CACNA1E: variants seen among roughly 807,000 people sequenced by gnomAD.
CACNA1E encodes the protein voltage-dependent R-type calcium channel subunit alpha-1E.
Under a neutral mutation model 259.2 loss-of-function variants are expected in CACNA1E, and 40 were observed. The ratio of observed to expected loss-of-function variants is 0.15; its 90% CI spans 0.12 to 0.20. CACNA1E has a LOEUF of 0.20. Among genes scored for constraint, CACNA1E ranks in the 10% least tolerant of loss-of-function variants. The pLI, the probability that CACNA1E is intolerant of heterozygous loss-of-function variation, is 1.00. For synonymous variants in CACNA1E, 1,104 were observed against 1,138.5 expected (o/e 0.97, Z 0.61); for missense variants, 1,874 against 3,040.1 (o/e 0.62, Z 9.02).
chr1:181,790,614 A>G, intron 44 of CACNA1E, 58 bp downstream of exon 44: 2 of 1,073,458 alleles, frequency 1.9e-6, no homozygotes, highest in Non-Finnish European at 1.5e-6. Flanking sequence ...GATCCCTCTC[A>G]CTAATTTTAT....
At chr1:181,718,001 G>A (rs1558301730) in intron 11 of CACNA1E, 54 bp from the exon 12 acceptor site, 3 of 840,716 alleles carry the variant, frequency 3.6e-6, no homozygotes, top group Non-Finnish European at 6.0e-6. Context: ...TAGCTGAGAA[G>A]TGCATGAGCC....
At chr1:181,412,787 C>T (rs1418247278) in intron 1 of CACNA1E, among the ~76,000 whole-genome samples, 1 of 152,192 alleles carries the variant, frequency 6.6e-6, no homozygotes, top group East Asian at 1.9e-4. Flanking sequence ...ACCTCTAAAC[C>T]TTACCAACGC....
chr1:181,576,412 C>T (rs565063405), intron 3 of CACNA1E, among the ~76,000 whole-genome samples: 16 of 152,312 alleles, frequency 1.1e-4, no homozygotes, highest in East Asian at 3.9e-4. Context: ...TTACCGCTTG[C>T]GATTCTGTTG....
At chr1:181,717,418 G>A (rs540988425) in intron 11 of CACNA1E, 116 bp downstream of exon 11, 40 of 802,552 alleles carry the variant, frequency 5.0e-5, no homozygotes, top group Non-Finnish European at 7.0e-5. Context: ...ACCTCTTCAC[G>A]CTGTGAGGGA....
intron 3 of CACNA1E, among the ~76,000 whole-genome samples, chr1:181,521,945 G>A (rs958845790): frequency 2.6e-5 from 4 of 152,144 alleles, no homozygotes; most frequent in Admixed American, 6.5e-5. Context: ...AGAGGGGTTG[G>A]AAAGTAGGCA....
intron 7 of CACNA1E, among the ~76,000 whole-genome samples, chr1:181,702,613 T>G (rs1391622873): frequency 6.6e-6 from 1 of 152,186 alleles, no homozygotes; most frequent in Non-Finnish European, 1.5e-5. Context: ...TTCCATGTAT[T>G]CAGTCCACTC....
In CACNA1E at chr1:181,503,859, G is replaced by C. The variant is rs757998810; in HGVS notation, c.267-6618G>C. Among the ~76,000 whole-genome samples, 105 of 152,152 alleles carry C rather than the reference G, an allele frequency of 6.9e-4. 2 individuals are homozygous for C. The highest frequency in any genetic ancestry group is 2.6e-4 in the Admixed American group (4 of 15,284). ...CTTTTGCAGTCGGAGGCCTGGCTCT[G>C]GTTTCCTTTACCAAGCTACATTTTT... On this transcript the variant is annotated intron_variant, in intron 1 of 47. Transcript: ENST00000367573.
At chr1:181,707,647 C>T (rs1011524088) in intron 7 of CACNA1E, among the ~76,000 whole-genome samples, 2 of 152,102 alleles carry the variant, frequency 1.3e-5, no homozygotes, top group African/African-American at 4.8e-5. Context: ...TGAAGAGAAA[C>T]TGGTGGCAGT....
At chr1:181,508,463 C>T (rs1463411889) in intron 1 of CACNA1E, among the ~76,000 whole-genome samples, 2 of 152,226 alleles carry the variant, frequency 1.3e-5, no homozygotes, top group South Asian at 2.1e-4. Flanking sequence ...ACCATTGCTG[C>T]TGGGTTCCCA....
At chr1:181,756,818 T>A in intron 29 of CACNA1E, 107 bp from the exon 30 acceptor site, 1 of 763,026 alleles carries the variant, frequency 1.3e-6, no homozygotes, top group South Asian at 1.7e-5. Flanking sequence ...TAATGGAGGA[T>A]CTGCAAAGTC....
At chr1:181,482,825 C>A (rs996844601), upstream of CACNA1E, among the ~76,000 whole-genome samples, 1 of 151,478 alleles carries the variant, frequency 6.6e-6, no homozygotes, top group South Asian at 2.1e-4. Context: ...GCCGCCCGCC[C>A]GCTCGCACTC....
At chr1:181,417,230 T>C (rs183646319) in intron 2 of CACNA1E, among the ~76,000 whole-genome samples, 1 of 152,256 alleles carries the variant, frequency 6.6e-6, no homozygotes, top group African/African-American at 2.4e-5. Context: ...TTTCCCATCT[T>C]ATCAAACTGA....
At chr1:181,503,506 A>G (rs1341767803) in intron 1 of CACNA1E, among the ~76,000 whole-genome samples, 1 of 152,156 alleles carries the variant, frequency 6.6e-6, no homozygotes, top group Non-Finnish European at 1.5e-5. Flanking sequence ...CTGGAGGCCC[A>G]TTACCATAAT....
intron 1 of CACNA1E, among the ~76,000 whole-genome samples, chr1:181,487,437 A>G (rs540726809): frequency 4.6e-5 from 7 of 152,322 alleles, no homozygotes; most frequent in Non-Finnish European, 1.0e-4. Context: ...GATGGTGGCA[A>G]GTCAACAGCC....
chr1:181,524,428 T>A (rs2102692507), intron 3 of CACNA1E, among the ~76,000 whole-genome samples: 1 of 152,362 alleles, frequency 6.6e-6, no homozygotes, highest in Non-Finnish European at 1.5e-5. Flanking sequence ...GTCTCATTTT[T>A]AAAATCTAAA....
rs199929 is a variant in CACNA1E, at chr1:181,771,607, A to G, written c.4973+223A>G. 0.25 allele frequency: 130,391 copies of G among 530,108 alleles called. 17,132 individuals carry two copies. The highest frequency in any genetic ancestry group is 0.33 in the South Asian group (11,023 of 32,944). 32.8% of individuals were successfully genotyped at this position (530,108 alleles called of 1,614,324 possible). On this transcript the variant is annotated intron_variant, in intron 36 of 47. Transcript: ENST00000367573. ...CCATGAATGTGCCTGATCTTGTCTG[A>G]TCTTGGAAGCTAAGCAGGGTTGGGT...
intron 1 of CACNA1E, among the ~76,000 whole-genome samples, chr1:181,366,725 G>C (rs1264066356): frequency 1.3e-5 from 2 of 152,162 alleles, no homozygotes; most frequent in Non-Finnish European, 2.9e-5. Flanking sequence ...TCACTTCTCT[G>C]AACCTGAGAC....
In CACNA1E at chr1:181,355,793, A is replaced by G. The variant is rs557699450; in HGVS notation, c.-15+37670A>G. Among the ~76,000 whole-genome samples, 8 of 152,334 alleles carry G rather than the reference A, an allele frequency of 5.3e-5. No homozygotes were observed. In the East Asian group the frequency reaches 1.3e-3, roughly 26 times the overall value. On this transcript the variant is annotated intron_variant, in intron 1 of 11. Coordinates refer to the CACNA1E transcript ENST00000524607. ...AGCTGTGTGACAGTCACTGGAGGAC[A>G]GGGGATGTTAAAGCTGAATTGATAG...
intron 3 of CACNA1E, among the ~76,000 whole-genome samples, chr1:181,577,125 G>A (rs562757555): frequency 8.0e-4 from 122 of 152,310 alleles, no homozygotes; most frequent in African/African-American, 2.8e-3. Flanking sequence ...TTATGGATTT[G>A]TATGTGTGTG....
Sources: allele counts gnomAD v4.1 joint callset (sites outside exome capture counted in the v4.1 genomes callset), GRCh38; gene constraint gnomAD v4.1.1; transcripts MANE v1.5; gene names NCBI Gene and HGNC (gene_info 2026-07-23, HGNC 2026-07-21).